MAPK8IP1: variants seen among roughly 807,000 people sequenced by gnomAD.
The protein encoded by MAPK8IP1 is mitogen-activated protein kinase 8 interacting protein 1, also known as C-Jun-amino-terminal kinase-interacting protein 1.
A neutral mutation model predicts 72.6 loss-of-function variants in MAPK8IP1; 17 were observed. That is an observed-to-expected ratio of 0.23 (90% CI 0.16 to 0.35). The LOEUF is 0.35. MAPK8IP1 is among the 10% of genes least tolerant of loss of function. The pLI is 1.00. For synonymous variants in MAPK8IP1, 401 were observed against 443.4 expected (o/e 0.90, Z 1.20); for missense variants, 789 against 1,009.7 (o/e 0.78, Z 2.96).
At chr11:45,888,699 C>CT (rs1196594833) in intron 1 of MAPK8IP1, among the ~76,000 whole-genome samples, 41 of 147,274 alleles carry the variant, frequency 2.8e-4, no homozygotes, top group South Asian at 1.3e-3. Flanking sequence ...ATTTTACATA[C>CT]TTTTTTTTTT....
At chr11:45,887,094 A>T (rs1276242309) in intron 1 of MAPK8IP1, among the ~76,000 whole-genome samples, 3 of 152,160 alleles carry the variant, frequency 2.0e-5, no homozygotes, top group Non-Finnish European at 4.4e-5. Context: ...CCTTAGACTG[A>T]GGTCTGAGAC....
chr11:45,901,214 C>T lies in MAPK8IP1; in HGVS notation c.522+762C>T, dbSNP rs543944087. On this transcript the variant is annotated intron_variant, in intron 3 of 11. Transcript: ENST00000241014. ...GGCTTTTGGCAGCCCGGCTCAGGAA[C>T]GTGAGGGCTTGGGAGAGAGCTCCCA... Among the ~76,000 whole-genome samples, 202 of 152,160 alleles carry T rather than the reference C, an allele frequency of 1.3e-3. 2 individuals carry two copies. Among genetic ancestry groups the T allele is most frequent in the African/African-American group, 4.7e-3 (193 of 41,498 alleles).
At chr11:45,901,325 C>T (rs1407186282) in intron 3 of MAPK8IP1, among the ~76,000 whole-genome samples, 29 of 152,126 alleles carry the variant, frequency 1.9e-4, no homozygotes. Context: ...GAATGGGCAG[C>T]CCAGGAGATC....
Position 45,902,199 on chromosome 11 carries a change from G to A in MAPK8IP1, c.604+138G>A, listed in dbSNP as rs986952326. ...CCACATCCCTGCACGAGCCCATCCA[G>A]GGGCTGAGATCAGTGGTGGCATGAG... On this transcript the variant is annotated intron_variant, in intron 4 of 11. Coordinates refer to ENST00000241014, the MANE Select transcript of MAPK8IP1 (RefSeq NM_005456.4). The surrounding 1 kb of genome is among the most constrained non-coding windows in gnomAD (Gnocchi z 9.3). 13 of 1,004,148 alleles carry A rather than the reference G, an allele frequency of 1.3e-5. No individual in the cohort carries two copies. The African/African-American group carries it at 2.1e-4, about 16-fold the overall frequency. The allele number at this position is 1,004,148 out of a possible 1,614,324, so 62.2% of individuals were successfully genotyped here.
In MAPK8IP1 at chr11:45,903,582, C is replaced by G; in HGVS notation, c.1493+142C>G. 1.3e-6 allele frequency: 1 copy of G among 755,928 alleles called. No homozygotes were observed. The highest frequency in any genetic ancestry group is 2.3e-6 in the Non-Finnish European group (1 of 438,830). The allele number at this position is 755,928 out of a possible 1,614,324, so 46.8% of individuals were successfully genotyped here. A position where few individuals can be genotyped will look rare whatever the true frequency, so the allele number is the denominator to read the frequency against. The stretch of plus-strand genomic sequence containing the variant: ...CACTCAGCCCTGGGAGGACAGTGTC[C>G]ACTCTCTAGGGACTCAGAGTATGGT... On this transcript the variant is annotated intron_variant, in intron 6 of 11. Transcript: ENST00000241014. The surrounding 1 kb of genome is among the most constrained non-coding windows in gnomAD (Gnocchi z 6.4).
Position 45,903,074 on chromosome 11 carries a change from G to T in MAPK8IP1, c.1307G>T (p.Arg436Leu), listed in dbSNP as rs369439116. ...AIGEEYEEAP[R>L]PQPPACLSED... ...GGAGAGGAATATGAGGAGGCCCCGC[G>T]GCCCCAGCCCCCTGCCTGCCTCTCC... Residue 436 changes from arginine to leucine, a missense_variant, in exon 5 of 12, where the codon CGG becomes CTG. Transcript: ENST00000241014. This position sits in a 1 kb window ranked among gnomAD's most constrained non-coding sequence, Gnocchi z 6.4. 1 of 1,611,474 alleles carries T rather than the reference G, an allele frequency of 6.2e-7. No homozygotes were observed. The highest frequency in any genetic ancestry group is 2.2e-5 in the East Asian group (1 of 44,870).
chr11:45,903,935 C>T lies in MAPK8IP1; in HGVS notation c.1494-54C>T. 1.9e-6 allele frequency: 3 copies of T among 1,547,582 alleles called. No homozygotes were observed. Among genetic ancestry groups the T allele is most frequent in the Non-Finnish European group, 1.8e-6 (2 of 1,123,308 alleles). On this transcript the variant is annotated intron_variant, in intron 6 of 11. Coordinates refer to ENST00000241014, the MANE Select transcript of MAPK8IP1 (RefSeq NM_005456.4). This position sits in a 1 kb window ranked among gnomAD's most constrained non-coding sequence, Gnocchi z 6.4. ...TGTGGCTCCCAGACCCCAGAGTAGG[C>T]CTGGCTGGACAGGCCTTGGTGCCGA...
intron 3 of MAPK8IP1, 66 bp from the exon 4 acceptor site, chr11:45,901,914 C>A: frequency 7.9e-7 from 1 of 1,271,950 alleles, no homozygotes; most frequent in Non-Finnish European, 1.2e-6. Context: ...GGGGCAGGGC[C>A]GGGGCCTCCC....
At chr11:45,891,062 G>A (rs1450880357) in intron 1 of MAPK8IP1, among the ~76,000 whole-genome samples, 3 of 152,230 alleles carry the variant, frequency 2.0e-5, no homozygotes, top group Non-Finnish European at 2.9e-5. Flanking sequence ...GACCTTGGAT[G>A]TGGAGGCAGA....
intron 1 of MAPK8IP1, among the ~76,000 whole-genome samples, chr11:45,897,778 C>T (rs1359187421): frequency 1.3e-5 from 2 of 152,210 alleles, no homozygotes; most frequent in Non-Finnish European, 2.9e-5. Flanking sequence ...GGAGGAGGCT[C>T]TGACCAGTTG....
chr11:45,902,423 C>G lies in MAPK8IP1; in HGVS notation c.656C>G (p.Pro219Arg). 6.3e-7 allele frequency: 1 copy of G among 1,585,368 alleles called. No homozygotes were observed. The highest frequency in any genetic ancestry group is 8.6e-7 in the Non-Finnish European group (1 of 1,167,044). Residue 219 changes from proline (P) to arginine (R), a missense_variant, in exon 5 of 12, where the codon CCC (proline) becomes CGC (arginine). Pro to Arg is a moderately radical substitution (Grantham distance 103). This residue lies in a region of MAPK8IP1 where 377 missense variants were observed against 411.7 expected (regional missense o/e 0.92). Coordinates refer to ENST00000241014, the MANE Select transcript of MAPK8IP1 (RefSeq NM_005456.4). This position sits in a 1 kb window ranked among gnomAD's most constrained non-coding sequence, Gnocchi z 9.3. The part of the protein sequence containing the change: ...EHICLSDELP[P>R]QSGPAPTTDR... ...ATCTGCCTGAGCGATGAGCTGCCCCCCCAGAGCGGCCCCGCCCCCACCACA... is the reference window on the plus strand; with the variant it reads ...ATCTGCCTGAGCGATGAGCTGCCCCGCCAGAGCGGCCCCGCCCCCACCACA...
intron 1 of MAPK8IP1, among the ~76,000 whole-genome samples, chr11:45,890,243 A>T (rs1388041391): frequency 1.3e-5 from 2 of 152,158 alleles, no homozygotes; most frequent in Admixed American, 1.3e-4. Flanking sequence ...CAGCCAGAGG[A>T]GCTGGCAGGG....
At position 45,900,384 on chromosome 11, in the gene MAPK8IP1, A is replaced by C. The variant is rs1331257232; in HGVS notation, c.454A>C (p.Ser152Arg). ...CCAAGGCCAGAGCCAGGGCCCGGGC[A>C]GCGGGGACACGTACCGGCCCAAGCG... is the stretch of plus-strand genomic sequence containing the variant. ...QSQGQSQGPG[S>R]GDTYRPKRPT... is the part of the protein sequence containing the mutation. Residue 152 changes from serine (S) to arginine (R), a missense_variant, in exon 3 of 12, where the codon AGC becomes CGC. By Grantham distance (110) the Ser-to-Arg change is moderately radical. Around this residue, in one of 4 missense-constraint regions of MAPK8IP1, gnomAD observed 112 missense variants for 192.8 expected, o/e 0.58. Transcript: ENST00000241014. The surrounding 1 kb of genome is among the most constrained non-coding windows in gnomAD (Gnocchi z 6.5). 17 of 1,526,074 alleles carry C rather than the reference A, an allele frequency of 1.1e-5. No homozygotes were observed. The highest frequency in any genetic ancestry group is 1.5e-5 in the Non-Finnish European group (17 of 1,143,308). The allele number at this position is 1,526,074 out of a possible 1,614,324, so 94.5% of individuals were successfully genotyped here.
In MAPK8IP1 at chr11:45,902,424, C is replaced by T. The variant is rs140363852; in HGVS notation, c.657C>T (p.Pro219=). 1 of 1,585,680 alleles carries T rather than the reference C, an allele frequency of 6.3e-7. No homozygotes were observed. The highest frequency in any genetic ancestry group is 8.6e-7 in the Non-Finnish European group (1 of 1,167,174). The stretch of plus-strand genomic sequence containing the variant: ...TCTGCCTGAGCGATGAGCTGCCCCC[C>T]CAGAGCGGCCCCGCCCCCACCACAG... ...EHICLSDELP[P]QSGPAPTTDR... is the part of the protein sequence containing the mutation. The change falls in exon 5 of 12, where the codon CCC becomes CCT. Residue 219 remains proline, a synonymous_variant. Transcript: ENST00000241014. The surrounding 1 kb of genome is among the most constrained non-coding windows in gnomAD (Gnocchi z 9.3).
intron 1 of MAPK8IP1, among the ~76,000 whole-genome samples, chr11:45,886,704 G>A (rs2086530251): frequency 6.6e-6 from 1 of 152,172 alleles, no homozygotes; most frequent in South Asian, 2.1e-4. Flanking sequence ...AGTGTTGTGT[G>A]GAGGAGGAAT....
intron 3 of MAPK8IP1, among the ~76,000 whole-genome samples, chr11:45,901,267 G>C (rs2086651292): frequency 6.6e-6 from 1 of 152,096 alleles, no homozygotes; most frequent in East Asian, 1.9e-4. Flanking sequence ...GGAGTGGAGG[G>C]AGCCCTGTGT....
chr11:45,896,631 T>C, intron 1 of MAPK8IP1: 2 of 1,365,064 alleles, frequency 1.5e-6, no homozygotes, highest in Non-Finnish European at 1.9e-6. Flanking sequence ...GGAAGGTGCC[T>C]GCAGCTGAGG....
chr11:45,896,891 G>A, intron 1 of MAPK8IP1: 2 of 1,560,214 alleles, frequency 1.3e-6, no homozygotes, highest in Non-Finnish European at 1.7e-6. Context: ...TGCAGCTGGT[G>A]CTGAAGATGG....
In MAPK8IP1 at chr11:45,904,949, G is replaced by T; in HGVS notation, c.1894-22G>T. 1 of 1,613,100 alleles carries T rather than the reference G, an allele frequency of 6.2e-7. No homozygotes were observed. The highest frequency in any genetic ancestry group is 8.5e-7 in the Non-Finnish European group (1 of 1,179,118). On this transcript the variant is annotated intron_variant, in intron 9 of 11. Coordinates refer to ENST00000241014, the MANE Select transcript of MAPK8IP1 (RefSeq NM_005456.4). This position sits in a 1 kb window ranked among gnomAD's most constrained non-coding sequence, Gnocchi z 6.4. ...CTGCAGGCCAGGTGACCGCCCTCTT[G>T]CTTCTTTTCTCCCTCCTGTAGGGGA...
Sources: allele counts gnomAD v4.1 joint callset (sites outside exome capture counted in the v4.1 genomes callset), GRCh38; gene constraint gnomAD v4.1.1; regional missense constraint gnomAD v4.1.1; non-coding constraint Gnocchi (gnomAD v3.1); transcripts MANE v1.5; gene names NCBI Gene and HGNC (gene_info 2026-07-23, HGNC 2026-07-21).